The following TENM3 variants were observed in gnomAD, a reference collection of about 807,000 sequenced individuals.
TENM3 encodes teneurin transmembrane protein 3.
In TENM3, 63 loss-of-function variants were observed where a neutral mutation model predicts 255.1. The observed-to-expected ratio is 0.25, with a 90% CI of 0.20 to 0.30. TENM3 has a LOEUF of 0.30. TENM3 is among the 10% of genes least tolerant of loss of function. The pLI, the probability that TENM3 is intolerant of heterozygous loss-of-function variation, is 1.00. For synonymous variants in TENM3, 1,306 were observed against 1,322.3 expected, an observed-to-expected ratio of 0.99 and a Z score of 0.27; for missense variants, 2,929 against 3,461.1, an observed-to-expected ratio of 0.85 and a Z score of 3.86.
At chr4:182,075,442 C>A in the TENM3 span, among the ~76,000 whole-genome samples, 1 of 152,092 alleles carries the variant, frequency 6.6e-6, no homozygotes, top group African/African-American at 2.4e-5. Context: ...TAGTGATCCA[C>A]CCGCCTTGGC....
the TENM3 span, among the ~76,000 whole-genome samples, chr4:181,586,115 A>G: frequency 1.3e-5 from 2 of 152,208 alleles, no homozygotes; most frequent in African/African-American, 4.8e-5. Flanking sequence ...GGGAAGGGGA[A>G]GACTTGAACT....
In TENM3 at chr4:182,327,683, G is replaced by T. The variant is rs554237004; in HGVS notation, c.232+3431G>T. On this transcript the variant is annotated intron_variant, in intron 2 of 27. Coordinates refer to ENST00000511685, the MANE Select transcript of TENM3 (RefSeq NM_001080477.4). Reference sequence around the variant, plus strand: ...CTTTTTAAATCTCTTCATGTAGTTTGTTGGTGATGGAAATGTTGCTCTTTG... The same window carrying T: ...CTTTTTAAATCTCTTCATGTAGTTTTTTGGTGATGGAAATGTTGCTCTTTG... 2.6e-5 allele frequency among the ~76,000 whole-genome samples: 4 copies of T among 152,276 alleles called. No individual in the cohort carries two copies. The South Asian group carries it at 8.3e-4, about 32-fold the overall frequency.
chr4:182,044,420 T>C, the TENM3 span, among the ~76,000 whole-genome samples: 1 of 152,330 alleles, frequency 6.6e-6, no homozygotes, highest in East Asian at 1.9e-4. Context: ...ATGAATACAC[T>C]TTATATGTCC....
At chr4:182,476,141 A>G (rs1175103928) in intron 3 of TENM3, among the ~76,000 whole-genome samples, 1 of 152,190 alleles carries the variant, frequency 6.6e-6, no homozygotes, top group Non-Finnish European at 1.5e-5. Flanking sequence ...CACTTGATTA[A>G]GTGAAGTCTC....
intron 1 of TENM3, among the ~76,000 whole-genome samples, chr4:182,198,415 C>T (rs549245389): frequency 6.6e-5 from 10 of 152,316 alleles, no homozygotes; most frequent in South Asian, 2.1e-4. Flanking sequence ...GAACTCAAGG[C>T]GGTGAGAAAG....
chr4:182,398,825 T>G (rs1416902028), intron 3 of TENM3, among the ~76,000 whole-genome samples: 1 of 152,246 alleles, frequency 6.6e-6, no homozygotes, highest in Non-Finnish European at 1.5e-5. Context: ...CTTTTTGAAC[T>G]TGGCAGCACC....
chr4:182,177,207 T>TA (rs1405078190), intron 1 of TENM3, among the ~76,000 whole-genome samples: 1 of 152,152 alleles, frequency 6.6e-6, no homozygotes. Context: ...CACGAGGTGT[T>TA]ACCATCTGCA....
the TENM3 span, among the ~76,000 whole-genome samples, chr4:181,741,630 C>T: frequency 6.6e-6 from 1 of 152,138 alleles, no homozygotes; most frequent in Non-Finnish European, 1.5e-5. Flanking sequence ...TTATTACTAA[C>T]TTTTTTCTTT....
chr4:181,694,904 C>T, the TENM3 span, among the ~76,000 whole-genome samples: 6 of 152,156 alleles, frequency 3.9e-5, no homozygotes, highest in Non-Finnish European at 7.4e-5. Flanking sequence ...TTCCAATTGC[C>T]TCTCTGTCAC....
the TENM3 span, among the ~76,000 whole-genome samples, chr4:182,071,601 A>G: frequency 3.9e-5 from 6 of 152,070 alleles, no homozygotes; most frequent in Non-Finnish European, 5.9e-5. Context: ...GCCTGCCACC[A>G]CACCACATAT....
chr4:182,068,080 T>G, the TENM3 span, among the ~76,000 whole-genome samples: 1 of 152,148 alleles, frequency 6.6e-6, no homozygotes, highest in Non-Finnish European at 1.5e-5. Flanking sequence ...TTTAGACAGA[T>G]GTTGAGACTC....
chr4:181,667,356 A>G, the TENM3 span, among the ~76,000 whole-genome samples: 1 of 152,164 alleles, frequency 6.6e-6, no homozygotes, highest in Non-Finnish European at 1.5e-5. Context: ...TCCTCTGTTC[A>G]AGAACCTACC....
chr4:181,497,656 T>C, the TENM3 span, among the ~76,000 whole-genome samples: 1 of 152,158 alleles, frequency 6.6e-6, no homozygotes, highest in Non-Finnish European at 1.5e-5. Flanking sequence ...TAGAGTACTA[T>C]TTTGTCCTTT....
At chr4:181,966,690 A>G in the TENM3 span, among the ~76,000 whole-genome samples, 2 of 152,214 alleles carry the variant, frequency 1.3e-5, no homozygotes, top group Admixed American at 6.5e-5. Context: ...ATTTGAAGAC[A>G]TTGTGGACTA....
At chr4:181,640,083 A>C in the TENM3 span, among the ~76,000 whole-genome samples, 1 of 152,196 alleles carries the variant, frequency 6.6e-6, no homozygotes, top group Non-Finnish European at 1.5e-5. Context: ...GGAGAAGCTG[A>C]AGACAGTTGA....
intron 1 of TENM3, among the ~76,000 whole-genome samples, chr4:182,195,178 CT>C (rs1753765477): frequency 6.6e-6 from 1 of 152,106 alleles, no homozygotes; most frequent in African/African-American, 2.4e-5. Context: ...TAATGGATCC[CT>C]TTTTTTGGTG....
At chr4:181,467,125 A>ATTTTTCTTTTTT in the TENM3 span, among the ~76,000 whole-genome samples, 1 of 17,616 alleles carries the variant, frequency 5.7e-5, no homozygotes, top group Non-Finnish European at 1.1e-4. Context: ...ATATATATAT[A>ATTTTTCTTTTTT]TTTTTTTTTT....
At chr4:182,168,906 A>G (rs1306211717) in intron 1 of TENM3, among the ~76,000 whole-genome samples, 1 of 152,134 alleles carries the variant, frequency 6.6e-6, no homozygotes, top group East Asian at 1.9e-4. Context: ...AAAATAACAC[A>G]CTGTATACAA....
the TENM3 span, among the ~76,000 whole-genome samples, chr4:181,660,393 ATACT>A: frequency 6.6e-6 from 1 of 152,170 alleles, no homozygotes; most frequent in African/African-American, 2.4e-5. Context: ...ATCATTATTC[ATACT>A]TAACCACTTG....
Sources: gnomAD v4.1 joint callset for allele counts (sites outside exome capture counted in the v4.1 genomes callset) on GRCh38, gnomAD v4.1.1 for gene constraint, MANE v1.5 for transcripts, NCBI Gene and HGNC (gene_info 2026-07-23, HGNC 2026-07-21) for gene names.